Variants in NKD1 observed in about 807,000 individuals in gnomAD.
NKD1 encodes the protein protein naked cuticle homolog 1.
In NKD1, 21 loss-of-function variants were observed where a neutral mutation model predicts 56.0. The ratio of observed to expected loss-of-function variants is 0.38; its 90% confidence interval spans 0.27 to 0.54. The LOEUF (loss-of-function observed/expected upper bound fraction) is 0.54. Among genes scored for constraint, NKD1 ranks in the 20% least tolerant of loss-of-function variants. NKD1 has a pLI of 0.82. For synonymous variants in NKD1, 263 were observed against 265.7 expected (o/e 0.99, Z 0.10); for missense variants, 578 against 642.7 (o/e 0.90, Z 1.09).
At chr16:50,620,708 C>T (rs1286272028) in intron 4 of NKD1, among the ~76,000 whole-genome samples, 1 of 152,202 alleles carries the variant, frequency 6.6e-6, no homozygotes, top group Non-Finnish European at 1.5e-5. Flanking sequence ...GCTTATGGGA[C>T]ATTCCAAGAA....
Position 50,548,595 on chromosome 16 carries a change from G to T in NKD1, c.25+17G>T. The T allele has an allele frequency of 6.8e-7, 1 of 1,460,260 alleles. No individual in the cohort carries two copies. Among genetic ancestry groups the T allele is most frequent in the Non-Finnish European group, 9.0e-7 (1 of 1,112,290 alleles). 90.5% of individuals were successfully genotyped at this position (1,460,260 alleles called of 1,614,324 possible). ...CCAAGCCGGGTCAGTGCCCCCGCCCGCGCGCTCGCCCCGGGCCCCGCCGCC... is the reference window on the plus strand; with the variant it reads ...CCAAGCCGGGTCAGTGCCCCCGCCCTCGCGCTCGCCCCGGGCCCCGCCGCC... On this transcript the variant is annotated intron_variant, in intron 1 of 9. Transcript: ENST00000268459.
At chr16:50,574,869 G>T (rs895214932) in intron 3 of NKD1, 14 of 985,464 alleles carry the variant, frequency 1.4e-5, no homozygotes, top group Non-Finnish European at 1.7e-5. Flanking sequence ...GCCATGGTCT[G>T]TGAACACCCA....
intron 3 of NKD1, among the ~76,000 whole-genome samples, chr16:50,579,483 C>T (rs1316579199): frequency 3.2e-5 from 4 of 125,746 alleles, no homozygotes; most frequent in Admixed American, 7.7e-5. Context: ...GCGGGCTACC[C>T]GCTACACACG....
rs761315261 is a variant in NKD1, at chr16:50,633,167, A to G, written c.824-25A>G. The G allele has an allele frequency of 6.3e-7, 1 of 1,576,954 alleles. No homozygotes were observed. Among genetic ancestry groups the G allele is most frequent in the South Asian group, 1.2e-5 (1 of 85,212 alleles). On this transcript the variant is annotated intron_variant, in intron 9 of 9. Coordinates refer to ENST00000268459, the MANE Select transcript of NKD1 (RefSeq NM_033119.5). The surrounding 1 kb of genome is among the most constrained non-coding windows in gnomAD (Gnocchi z 4.9). ...CCCCAGCACACAGTAGGTGCTCATT[A>G]AATGTCTGTTGAATTGGTTCCTAGG...
At chr16:50,589,694 T>TTTCTCTTCTCTTCTCTTCTCTTCTC (rs58760004) in intron 3 of NKD1, among the ~76,000 whole-genome samples, 3 of 120,560 alleles carry the variant, frequency 2.5e-5, no homozygotes, top group African/African-American at 6.2e-5. Flanking sequence ...TTTCTTTTCT[T>TTTCTCTTCTCTTCTCTTCTCTTCTC]TTCTCTTCTC....
At chr16:50,627,063 C>T (rs1962235165) in intron 6 of NKD1, among the ~76,000 whole-genome samples, 2 of 152,074 alleles carry the variant, frequency 1.3e-5, no homozygotes, top group Admixed American at 1.3e-4. Flanking sequence ...GCTGTTTCAA[C>T]AGGTTGGAGG....
Position 50,634,000 on chromosome 16 carries a change from A to C in NKD1, c.*219A>C. On this transcript the variant is annotated 3_prime_UTR_variant, in exon 10 of 10. Coordinates refer to ENST00000268459, the MANE Select transcript of NKD1 (RefSeq NM_033119.5). The surrounding 1 kb of genome is among the most constrained non-coding windows in gnomAD (Gnocchi z 4.9). ...TGGGGACTGCATAACTAGCCCAGGAAATGACTCTGGTTTTGAGTGGCCTGT... is the reference window on the plus strand; with the variant it reads ...TGGGGACTGCATAACTAGCCCAGGACATGACTCTGGTTTTGAGTGGCCTGT... The C allele has an allele frequency of 2.3e-6, 1 of 430,544 alleles. No homozygotes were observed. Among genetic ancestry groups the C allele is most frequent in the Non-Finnish European group, 4.1e-6 (1 of 244,978 alleles). 26.7% of individuals were successfully genotyped at this position (430,544 alleles called of 1,614,324 possible).
At chr16:50,616,106 A>C in intron 4 of NKD1, 1 of 455,822 alleles carries the variant, frequency 2.2e-6, no homozygotes, top group Non-Finnish European at 4.4e-6. Flanking sequence ...AGACTAAAAT[A>C]TTTGCAGCAG....
At chr16:50,567,259 C>G (rs1261025319) in intron 3 of NKD1, among the ~76,000 whole-genome samples, 1 of 152,186 alleles carries the variant, frequency 6.6e-6, no homozygotes, top group Non-Finnish European at 1.5e-5. Flanking sequence ...GCAGTGAGCA[C>G]CCAGCAGATG....
At chr16:50,581,998 T>C (rs1198596659) in intron 3 of NKD1, among the ~76,000 whole-genome samples, 1 of 152,212 alleles carries the variant, frequency 6.6e-6, no homozygotes, top group Non-Finnish European at 1.5e-5. Context: ...GATTGCCTTG[T>C]TGATCTCTGG....
intron 8 of NKD1, 76 bp downstream of exon 8, chr16:50,630,986 A>T: frequency 8.2e-7 from 1 of 1,226,718 alleles, no homozygotes; most frequent in Non-Finnish European, 1.1e-6. Context: ...CAGAGCAGGA[A>T]GTTTTGCTCT....
rs537237090 is a variant in NKD1, at chr16:50,579,185, C to G, written c.193-29109C>G. Among the ~76,000 whole-genome samples, 3 of 151,332 alleles carry G rather than the reference C, an allele frequency of 2.0e-5. No individual in the cohort carries two copies. The East Asian group carries it at 5.9e-4, about 30-fold the overall frequency. On this transcript the variant is annotated intron_variant, in intron 3 of 9. Coordinates refer to ENST00000268459, the MANE Select transcript of NKD1 (RefSeq NM_033119.5). The stretch of plus-strand genomic sequence containing the variant: ...CCAGCCACACATGCACTGTCTTACT[C>G]CTGCAGGCTACCCGCTACACACGCA...
intron 4 of NKD1, among the ~76,000 whole-genome samples, chr16:50,618,884 CCAGCCCCTT>C (rs1256280494): frequency 6.6e-6 from 1 of 152,104 alleles, no homozygotes; most frequent in Non-Finnish European, 1.5e-5. Context: ...GGGATGTTTT[CCAGCCCCTT>C]CAGGTGAGGA....
At chr16:50,559,805 T>C (rs923846675) in intron 3 of NKD1, among the ~76,000 whole-genome samples, 3 of 152,142 alleles carry the variant, frequency 2.0e-5, no homozygotes, top group African/African-American at 7.2e-5. Context: ...CTTCTGGCCT[T>C]GAGCATAGAG....
intron 3 of NKD1, among the ~76,000 whole-genome samples, chr16:50,585,508 G>T (rs1961209074): frequency 6.6e-6 from 1 of 152,240 alleles, no homozygotes; most frequent in Non-Finnish European, 1.5e-5. Context: ...AGGCCCGATG[G>T]GGGACGTGGG....
At chr16:50,630,558 G>T (rs377671299) in intron 7 of NKD1, among the ~76,000 whole-genome samples, 1 of 152,122 alleles carries the variant, frequency 6.6e-6, no homozygotes, top group African/African-American at 2.4e-5. Flanking sequence ...TGCAGCTGGA[G>T]TGAAGGCTGG....
In NKD1 at chr16:50,625,541, C is replaced by T. The variant is rs766044331; in HGVS notation, c.423C>T (p.Thr141=). Residue 141 remains threonine, a synonymous_variant, in exon 6 of 10, where the codon ACC becomes ACT. Coordinates refer to ENST00000268459, the MANE Select transcript of NKD1 (RefSeq NM_033119.5). The stretch of plus-strand genomic sequence containing the variant: ...ACAGCCGGCAGGAGTGGACCTTCAC[C>T]CTGTATGACTTTGACAACAACGGCA... The part of the protein sequence containing the change: ...EEDSRQEWTF[T]LYDFDNNGKV... 2 of 1,613,828 alleles carry T rather than the reference C, an allele frequency of 1.2e-6. No homozygotes were observed. Among genetic ancestry groups the T allele is most frequent in the African/African-American group, 1.3e-5 (1 of 74,948 alleles).
At chr16:50,608,792 C>T (rs1451121354) in intron 4 of NKD1, among the ~76,000 whole-genome samples, 1 of 152,300 alleles carries the variant, frequency 6.6e-6, no homozygotes, top group East Asian at 1.9e-4. Context: ...AGTGTGCACA[C>T]ACACACACAG....
chr16:50,645,520 G>C lies in NKD1; in HGVS notation c.*11739G>C, dbSNP rs576607337. On this transcript the variant is annotated 3_prime_UTR_variant, in exon 10 of 10. Coordinates refer to ENST00000268459, the MANE Select transcript of NKD1 (RefSeq NM_033119.5). ...GGCCCGGTATGGGCAGAATCTGGGG[G>C]CCTGAATGGTGGAGAGTCTGCTTGT... 6.6e-6 allele frequency: 1 copy of C among 152,506 alleles called. No homozygotes were observed. 9.4% of individuals were successfully genotyped at this position (152,506 alleles called of 1,614,324 possible).
Sources: allele counts gnomAD v4.1 joint callset (sites outside exome capture counted in the v4.1 genomes callset), GRCh38; gene constraint gnomAD v4.1.1; non-coding constraint Gnocchi (gnomAD v3.1); transcripts MANE v1.5; gene names NCBI Gene and HGNC (gene_info 2026-07-23, HGNC 2026-07-21).